The following GDPD1 variants were observed in gnomAD, a reference collection of about 807,000 sequenced individuals.
GDPD1 encodes glycerophosphodiester phosphodiesterase domain containing 1, also known as lysophospholipase D GDPD1.
A neutral mutation model predicts 45.1 loss-of-function variants in GDPD1; 28 were observed. The ratio of observed to expected loss-of-function variants is 0.62; its 90% CI spans 0.46 to 0.85. The LOEUF (loss-of-function observed/expected upper bound fraction) is 0.85. Ranked by LOEUF, GDPD1 falls within the 40% of genes least tolerant of loss-of-function variation. GDPD1 has a pLI of 0.00. For missense variants in GDPD1, 256 were observed against 364.8 expected, an observed-to-expected ratio of 0.70 and a Z score of 2.43; for synonymous variants, 139 against 131.4, an observed-to-expected ratio of 1.06 and a Z score of -0.40.
rs35411377 is a variant in GDPD1 at position 59,274,512 on chromosome 17, CAAAAAAAA to C, written c.*756_*763del. The C allele has an allele frequency of 0.036, 2,439 of 67,916 alleles. 65 individuals carry two copies. Among genetic ancestry groups the C allele is most frequent in the Admixed American group, 0.13 (731 of 5,636 alleles). The allele number at this position is 67,916 out of a possible 1,614,324, so 4.2% of individuals were successfully genotyped here. On this transcript the variant is annotated 3_prime_UTR_variant, in exon 10 of 10. Transcript: ENST00000284116. Reference sequence around the variant, plus strand: ...TGGGAGACAGAGTGAGACTCCGTCTCAAAAAAAAAAAAAAAAAAAAAAAATGGGAGGCC... The same window carrying C: ...TGGGAGACAGAGTGAGACTCCGTCTCAAAAAAAAAAAAAAAATGGGAGGCC...
chr17:59,272,414 TTTAACTTGGAAAGTTAGGA>T (rs1824630339), intron 8 of GDPD1, among the ~76,000 whole-genome samples: 1 of 152,240 alleles, frequency 6.6e-6, no homozygotes, highest in Non-Finnish European at 1.5e-5. Context: ...GTTGACTTAT[TTTAACTTGGAAAGTTAGGA>T]ACACACATTA....
At chr17:59,230,507 C>T (rs992851383) in intron 1 of GDPD1, among the ~76,000 whole-genome samples, 14 of 150,662 alleles carry the variant, frequency 9.3e-5, no homozygotes, top group East Asian at 3.9e-4. Context: ...CTCAGCCTCT[C>T]GAGTAGCTGG....
intron 1 of GDPD1, among the ~76,000 whole-genome samples, chr17:59,222,537 A>G (rs1378468750): frequency 1.9e-5 from 1 of 51,924 alleles, no homozygotes; most frequent in Non-Finnish European, 4.2e-5. Context: ...TTTTTGAGAC[A>G]GAGTTTCCCT....
intron 6 of GDPD1, 143 bp from the exon 7 acceptor site, chr17:59,266,898 A>C: frequency 1.5e-6 from 1 of 675,712 alleles, no homozygotes; most frequent in Non-Finnish European, 2.5e-6. Flanking sequence ...GTGTGGTGTT[A>C]TTTGCAAATG....
chr17:59,252,978 A>T (rs1422890696), intron 4 of GDPD1, among the ~76,000 whole-genome samples: 1 of 152,208 alleles, frequency 6.6e-6, no homozygotes, highest in African/African-American at 2.4e-5. Flanking sequence ...TGGGCAACAG[A>T]TCGAGACTGT....
intron 1 of GDPD1, among the ~76,000 whole-genome samples, chr17:59,230,022 T>A (rs1329076676): frequency 1.3e-5 from 2 of 152,118 alleles, no homozygotes; most frequent in African/African-American, 4.8e-5. Flanking sequence ...TGTGAAAATA[T>A]CAAAAAGGAC....
rs1468541825 is a variant in GDPD1, at chr17:59,274,565, G to A, written c.*792G>A. ...GAGGCCGAGGCGGGCGGATCACGAG[G>A]TCAGGAGATCGAGACCATCCTGGCT... On this transcript the variant is annotated 3_prime_UTR_variant, in exon 10 of 10. Coordinates refer to ENST00000284116, the MANE Select transcript of GDPD1 (RefSeq NM_182569.4). 1 of 143,964 alleles carries A rather than the reference G, an allele frequency of 6.9e-6. No individual in the cohort carries two copies. The highest frequency in any genetic ancestry group is 2.6e-5 in the African/African-American group (1 of 38,092). The allele number at this position is 143,964 out of a possible 1,614,324, so 8.9% of individuals were successfully genotyped here. A position where few individuals can be genotyped will look rare whatever the true frequency, so the allele number is the denominator to read the frequency against.
chr17:59,258,718 G>A (rs2047328952), intron 6 of GDPD1, among the ~76,000 whole-genome samples: 1 of 152,276 alleles, frequency 6.6e-6, no homozygotes, highest in East Asian at 1.9e-4. Flanking sequence ...ACATGCTAAT[G>A]TTAGTTGCTT....
chr17:59,235,992 T>G (rs2047129160), intron 2 of GDPD1, among the ~76,000 whole-genome samples: 1 of 152,152 alleles, frequency 6.6e-6, no homozygotes, highest in East Asian at 1.9e-4. Context: ...ATACACACAC[T>G]ATCATATATC....
chr17:59,248,076 A>G (rs1426897931), intron 3 of GDPD1, among the ~76,000 whole-genome samples: 1 of 151,886 alleles, frequency 6.6e-6, no homozygotes, highest in East Asian at 1.9e-4. Context: ...CTCTAAATAT[A>G]CTCCCAGAAG....
At chr17:59,270,240 C>A (rs1165914570) in intron 7 of GDPD1, among the ~76,000 whole-genome samples, 1 of 151,448 alleles carries the variant, frequency 6.6e-6, no homozygotes, top group East Asian at 1.9e-4. Flanking sequence ...GTCACCCAGG[C>A]TGGAGTGCAG....
intron 4 of GDPD1, among the ~76,000 whole-genome samples, chr17:59,253,295 A>G (rs571769394): frequency 6.6e-6 from 1 of 152,240 alleles, no homozygotes; most frequent in African/African-American, 2.4e-5. Flanking sequence ...TTCTGCCTAG[A>G]AAAATACTGG....
intron 2 of GDPD1, among the ~76,000 whole-genome samples, chr17:59,239,598 T>G (rs1439028357): frequency 1.3e-5 from 2 of 152,148 alleles, no homozygotes; most frequent in East Asian, 3.8e-4. Flanking sequence ...TTGTCCTAGA[T>G]ACACTTATTA....
At chr17:59,253,896 T>C (rs895062027) in intron 4 of GDPD1, among the ~76,000 whole-genome samples, 3 of 151,902 alleles carry the variant, frequency 2.0e-5, no homozygotes, top group Non-Finnish European at 4.4e-5. Context: ...CAATGTGAGA[T>C]GTGAAATACA....
At chr17:59,243,165 G>A (rs2047186965) in intron 2 of GDPD1, among the ~76,000 whole-genome samples, 1 of 151,986 alleles carries the variant, frequency 6.6e-6, no homozygotes, top group Non-Finnish European at 1.5e-5. Flanking sequence ...CTTCAGCCTG[G>A]GTGACAGAGT....
intron 1 of GDPD1, among the ~76,000 whole-genome samples, chr17:59,230,370 ATTTTT>A (rs942416287): frequency 3.7e-5 from 3 of 80,070 alleles, no homozygotes; most frequent in African/African-American, 1.4e-4. Flanking sequence ...CAGTTGTAGA[ATTTTT>A]TTTTTTTTTT....
At chr17:59,222,190 GTTTTTGTTTGTTTGTT>G (rs1007116023) in intron 1 of GDPD1, among the ~76,000 whole-genome samples, 5 of 151,836 alleles carry the variant, frequency 3.3e-5, no homozygotes, top group Admixed American at 6.6e-5. Flanking sequence ...TTCTTTTTGT[GTTTTTGTTTGTTTGTT>G]TTTTTGTTTG....
chr17:59,236,315 A>G (rs114945160), intron 2 of GDPD1, among the ~76,000 whole-genome samples: 3,638 of 152,312 alleles, frequency 0.024, 151 homozygotes, highest in African/African-American at 0.083. Flanking sequence ...TAAATACAAC[A>G]TATTTTTCAT....
intron 6 of GDPD1, among the ~76,000 whole-genome samples, chr17:59,261,941 G>T (rs1201094457): frequency 1.5e-5 from 1 of 67,610 alleles, no homozygotes; most frequent in Admixed American, 1.8e-4. Context: ...TTTTTGAGAC[G>T]GAGTCTCGCT....
Sources: allele counts gnomAD v4.1 joint callset (sites outside exome capture counted in the v4.1 genomes callset), GRCh38; gene constraint gnomAD v4.1.1; transcripts MANE v1.5; gene names NCBI Gene and HGNC (gene_info 2026-07-23, HGNC 2026-07-21).